APC: variants seen among roughly 807,000 people sequenced by gnomAD.
APC encodes the protein APC regulator of Wnt signaling pathway, also known as adenomatous polyposis coli protein.
In APC, 72 loss-of-function variants were observed where a neutral mutation model predicts 247.0. The observed-to-expected ratio is 0.29, with a 90% CI of 0.24 to 0.35. The LOEUF is 0.35. Ranked by LOEUF, APC falls within the 10% of genes least tolerant of loss-of-function variation. The pLI, the probability that APC is intolerant of heterozygous loss-of-function variation, is 1.00. For missense variants in APC, 3,400 were observed against 3,360.7 expected, an observed-to-expected ratio of 1.01 and a Z score of -0.29; for synonymous variants, 1,254 against 1,162.5, an observed-to-expected ratio of 1.08 and a Z score of -1.60.
chr5:112,734,684 A>G (rs1752276917), upstream of APC, among the ~76,000 whole-genome samples: 1 of 152,166 alleles, frequency 6.6e-6, no homozygotes, highest in African/African-American at 2.4e-5. Context: ...ACACTAGTTA[A>G]TATTGTCAAT....
intron 11 of APC, 81 bp from the exon 12 acceptor site, chr5:112,827,025 TCC>T: frequency 7.3e-7 from 1 of 1,368,382 alleles, no homozygotes. Flanking sequence ...AGTTTTTTTT[TCC>T]TAGTATTTAA....
At chr5:112,803,634 CTGT>C (rs908213278) in intron 8 of APC, among the ~76,000 whole-genome samples, 1 of 152,180 alleles carries the variant, frequency 6.6e-6, no homozygotes, top group African/African-American at 2.4e-5. Context: ...GTAACCGATT[CTGT>C]TGTTAACAAG....
At chr5:112,815,043 G>A (rs17134956) in intron 8 of APC, among the ~76,000 whole-genome samples, 1 of 151,914 alleles carries the variant, frequency 6.6e-6, no homozygotes, top group Non-Finnish European at 1.5e-5. Flanking sequence ...TCATGTCTTT[G>A]TCCAGTAAAA....
In APC at chr5:112,839,029, A is replaced by C. The variant is rs2149891861; in HGVS notation, c.3435A>C (p.Glu1145Asp). 6.2e-7 allele frequency: 1 copy of C among 1,614,152 alleles called. No individual in the cohort carries two copies. Among genetic ancestry groups the C allele is most frequent in the South Asian group, 1.1e-5 (1 of 91,080 alleles). The change falls in exon 16 of 16, where the codon GAA (glutamate) becomes GAC (aspartate). Residue 1145 changes from glutamate to aspartate, a missense_variant. Physicochemically the swap from Glu to Asp is conservative, Grantham distance 45 (BLOSUM62 2). Coordinates refer to ENST00000257430, the MANE Select transcript of APC (RefSeq NM_000038.6). This position sits in a 1 kb window ranked among gnomAD's most constrained non-coding sequence, Gnocchi z 5.0. ...YEDDKPTNYS[E>D]RYSEEEQHEE... ...ATGATAAGCCTACCAATTATAGTGA[A>C]CGTTACTCTGAAGAAGAACAGCATG...
intron 2 of APC, among the ~76,000 whole-genome samples, chr5:112,758,445 G>C (rs974728051): frequency 1.3e-5 from 2 of 152,160 alleles, no homozygotes; most frequent in Non-Finnish European, 1.5e-5. Flanking sequence ...TCCTGCCTCA[G>C]CTTCCCAAGT....
chr5:112,716,320 T>C (rs1160857035), intron 1 of APC, among the ~76,000 whole-genome samples: 1 of 152,208 alleles, frequency 6.6e-6, no homozygotes, highest in African/African-American at 2.4e-5. Flanking sequence ...ATTTCTGTTA[T>C]GATTTATACT....
chr5:112,719,298 A>G (rs898443201), intron 1 of APC, among the ~76,000 whole-genome samples: 1 of 151,326 alleles, frequency 6.6e-6, no homozygotes, highest in Admixed American at 6.6e-5. Flanking sequence ...GCTCACTGCA[A>G]CCTCTGCTTT....
rs1762885423 is a variant in APC, at chr5:112,819,425, T to C, written c.1312+81T>C. On this transcript the variant is annotated intron_variant, in intron 10 of 15. Transcript: ENST00000257430. ...TTAAACAGAAAACATGTTTAGTTAATATGCTGTCTTTATGACTAAGAGGAG... is the reference window on the plus strand; with the variant it reads ...TTAAACAGAAAACATGTTTAGTTAACATGCTGTCTTTATGACTAAGAGGAG... 1.2e-5 allele frequency: 19 copies of C among 1,558,104 alleles called. No homozygotes were observed. In the South Asian group the frequency reaches 2.0e-4, roughly 17 times the overall value.
upstream of APC, among the ~76,000 whole-genome samples, chr5:112,736,605 A>G (rs1453642161): frequency 1.3e-5 from 2 of 152,154 alleles, no homozygotes; most frequent in African/African-American, 4.8e-5. Flanking sequence ...AACGATTATA[A>G]TATGCTTCAT....
intron 9 of APC, among the ~76,000 whole-genome samples, chr5:112,818,471 GAATT>G (rs1762736016): frequency 6.6e-6 from 1 of 151,966 alleles, no homozygotes; most frequent in South Asian, 2.1e-4. Flanking sequence ...CATCTGACGA[GAATT>G]AATGATTGCT....
intron 11 of APC, among the ~76,000 whole-genome samples, chr5:112,823,683 A>G (rs1033595255): frequency 2.6e-5 from 4 of 152,214 alleles, no homozygotes; most frequent in African/African-American, 9.6e-5. Flanking sequence ...TATAATTTCC[A>G]TGATATATGT....
intron 1 of APC, among the ~76,000 whole-genome samples, chr5:112,713,760 T>C (rs1229066519): frequency 6.6e-6 from 1 of 152,142 alleles, no homozygotes; most frequent in African/African-American, 2.4e-5. Flanking sequence ...CTCTACCTCT[T>C]GGGTTCAGCG....
chr5:112,746,225 T>C (rs1753657898), intron 1 of APC, among the ~76,000 whole-genome samples: 1 of 152,000 alleles, frequency 6.6e-6, no homozygotes, highest in Non-Finnish European at 1.5e-5. Flanking sequence ...AGAAGAAACT[T>C]TAAAATACTT....
At chr5:112,801,455 A>C in intron 8 of APC, 72 bp downstream of exon 8, 2 of 1,125,074 alleles carry the variant, frequency 1.8e-6, no homozygotes, top group South Asian at 1.4e-5. Context: ...AGATGGTTCT[A>C]AGAATGATCT....
In APC at chr5:112,786,009, T is replaced by C. The variant is rs376394934; in HGVS notation, c.645+5106T>C. On this transcript the variant is annotated intron_variant, in intron 6 of 15. Coordinates refer to ENST00000257430, the MANE Select transcript of APC (RefSeq NM_000038.6). Reference sequence around the variant, plus strand: ...AAAAGATAAATTAGAAAAATACTTATAACACATAAAGGGGAAAATGGTAAT... The same window carrying C: ...AAAAGATAAATTAGAAAAATACTTACAACACATAAAGGGGAAAATGGTAAT... 1.4e-4 allele frequency among the ~76,000 whole-genome samples: 22 copies of C among 152,324 alleles called. No individual in the cohort carries two copies. The East Asian group carries it at 1.7e-3, about 12-fold the overall frequency.
At chr5:112,818,844 T>TTTGC in intron 9 of APC, 122 bp from the exon 10 acceptor site, 3 of 842,616 alleles carry the variant, frequency 3.6e-6, no homozygotes, top group South Asian at 1.7e-5. Flanking sequence ...GTTTTTTTTT[T>TTTGC]GGCGGGGGGG....
rs1412002906 is a variant in APC, at chr5:112,839,115, A to G, written c.3521A>G (p.Asp1174Gly). ...TATAATGAAGAGAAACGTCATGTGG[A>G]TCAGCCTATTGATTATAGTTTAAAA... is the stretch of plus-strand genomic sequence containing the variant. ...IKYNEEKRHV[D>G]QPIDYSLKYA... The change falls in exon 16 of 16, where the codon GAT becomes GGT. Residue 1174 changes from aspartate (D) to glycine (G), a missense_variant. Around this residue, in one of 9 missense-constraint regions of APC, gnomAD observed 715 missense variants for 656.6 expected, o/e 1.09. Transcript: ENST00000257430. The surrounding 1 kb of genome is among the most constrained non-coding windows in gnomAD (Gnocchi z 5.0). 6.2e-7 allele frequency: 1 copy of G among 1,614,168 alleles called. No individual in the cohort carries two copies. The highest frequency in any genetic ancestry group is 1.7e-5 in the Admixed American group (1 of 60,034).
chr5:112,764,284 C>G (rs369196982), intron 2 of APC, among the ~76,000 whole-genome samples: 1 of 150,866 alleles, frequency 6.6e-6, no homozygotes, highest in African/African-American at 2.4e-5. Flanking sequence ...CACAGCTGTG[C>G]CTTAAAAAGG....
chr5:112,791,820 ATT>A (rs1759637048), intron 6 of APC, among the ~76,000 whole-genome samples: 2 of 152,176 alleles, frequency 1.3e-5, no homozygotes, highest in African/African-American at 4.8e-5. Context: ...TTGAGAATAA[ATT>A]TTCACAATGT....
Sources: gnomAD v4.1 joint callset for allele counts (sites outside exome capture counted in the v4.1 genomes callset) on GRCh38, gnomAD v4.1.1 for gene constraint, gnomAD v4.1.1 regional missense constraint, Gnocchi (gnomAD v3.1) non-coding constraint, MANE v1.5 for transcripts, NCBI Gene and HGNC (gene_info 2026-07-23, HGNC 2026-07-21) for gene names.